STXBP4: variants seen among roughly 807,000 people sequenced by gnomAD.
The protein encoded by STXBP4 is syntaxin binding protein 4, also known as syntaxin-binding protein 4.
A neutral mutation model predicts 76.1 loss-of-function variants in STXBP4; 55 were observed. That is an observed-to-expected ratio of 0.72 (90% CI 0.58 to 0.91). The LOEUF (loss-of-function observed/expected upper bound fraction) is 0.91. STXBP4 is among the 40% of genes least tolerant of loss of function. The pLI is 0.00. For synonymous variants in STXBP4, 201 were observed against 220.2 expected (o/e 0.91, Z 0.77); for missense variants, 618 against 636.9 (o/e 0.97, Z 0.32).
At chr17:55,010,783 C>A (rs1418110266) in intron 8 of STXBP4, among the ~76,000 whole-genome samples, 3 of 152,116 alleles carry the variant, frequency 2.0e-5, no homozygotes, top group Non-Finnish European at 4.4e-5. Flanking sequence ...ATGAAATATT[C>A]TTTGTATTAG....
At chr17:54,980,903 G>A (rs147191665) in intron 1 of STXBP4, among the ~76,000 whole-genome samples, 3 of 151,384 alleles carry the variant, frequency 2.0e-5, no homozygotes, top group East Asian at 1.9e-4. Flanking sequence ...ACACAATTTC[G>A]TAAACTTTCT....
chr17:55,124,941 C>T (rs2079892272), intron 16 of STXBP4, among the ~76,000 whole-genome samples: 1 of 152,176 alleles, frequency 6.6e-6, no homozygotes, highest in Non-Finnish European at 1.5e-5. Flanking sequence ...TCTGAGGACA[C>T]TAACTTTGTG....
At chr17:55,211,897 G>A in the STXBP4 span, among the ~76,000 whole-genome samples, 6 of 128,428 alleles carry the variant, frequency 4.7e-5, no homozygotes, top group Non-Finnish European at 6.3e-5. Flanking sequence ...TGCAACCTCC[G>A]CCTCCTGGGT....
intron 3 of STXBP4, among the ~76,000 whole-genome samples, chr17:54,990,120 A>G (rs563256843): frequency 6.6e-6 from 1 of 152,322 alleles, no homozygotes; most frequent in African/African-American, 2.4e-5. Flanking sequence ...GATGTTTTGT[A>G]GGGAAAATTA....
chr17:55,107,618 T>A (rs1016881361), intron 16 of STXBP4, among the ~76,000 whole-genome samples: 1 of 152,220 alleles, frequency 6.6e-6, no homozygotes, highest in African/African-American at 2.4e-5. Flanking sequence ...ATATCCTTTT[T>A]GTTGGTGTTG....
intron 8 of STXBP4, among the ~76,000 whole-genome samples, chr17:55,009,912 TATC>T (rs1254745596): frequency 2.6e-5 from 4 of 152,042 alleles, no homozygotes; most frequent in African/African-American, 9.7e-5. Context: ...ATAATATCAG[TATC>T]ATCTCAGCTT....
chr17:54,986,360 C>CT, intron 3 of STXBP4, 94 bp downstream of exon 3: 1 of 886,046 alleles, frequency 1.1e-6, no homozygotes, highest in South Asian at 1.6e-5. Context: ...ATCTAGCTCT[C>CT]TAATGTGGTC....
chr17:55,151,655 C>A (rs1317445223), intron 17 of STXBP4, among the ~76,000 whole-genome samples: 1 of 152,160 alleles, frequency 6.6e-6, no homozygotes, highest in African/African-American at 2.4e-5. Flanking sequence ...GTGGTAAAAT[C>A]ACTTCTACGG....
intron 12 of STXBP4, among the ~76,000 whole-genome samples, chr17:55,060,604 A>C (rs1380882970): frequency 6.6e-6 from 1 of 152,174 alleles, no homozygotes; most frequent in Non-Finnish European, 1.5e-5. Context: ...TCATTGTTTT[A>C]TTCAATCAAG....
intron 17 of STXBP4, among the ~76,000 whole-genome samples, chr17:55,153,148 A>C (rs888117186): frequency 6.6e-6 from 1 of 152,204 alleles, no homozygotes; most frequent in Non-Finnish European, 1.5e-5. Flanking sequence ...TAAGAATATA[A>C]TTCTTTCTTG....
chr17:54,997,267 T>G (rs1435104831), intron 4 of STXBP4, among the ~76,000 whole-genome samples: 1 of 152,106 alleles, frequency 6.6e-6, no homozygotes, highest in Non-Finnish European at 1.5e-5. Flanking sequence ...AAAAACTAAC[T>G]GCTATGAATA....
intron 16 of STXBP4, among the ~76,000 whole-genome samples, chr17:55,092,673 A>G (rs1270274125): frequency 2.0e-5 from 3 of 152,226 alleles, no homozygotes; most frequent in Non-Finnish European, 4.4e-5. Flanking sequence ...TTTAAGAAGA[A>G]TGTGAGTAGT....
chr17:54,999,721 C>T lies in STXBP4; in HGVS notation c.377C>T (p.Ala126Val). Residue 126 changes from alanine to valine, a missense_variant, in exon 6 of 18, where the codon GCT (alanine) becomes GTT (valine). Coordinates refer to ENST00000376352, the MANE Select transcript of STXBP4 (RefSeq NM_178509.6). ...CTGTCATGTACATCACTTATAGAAG[C>T]TTCAGGAGAATATGGACCTCAAGCC... ...ENLSCTSLIE[A>V]SGEYGPQAST... 1 of 1,613,672 alleles carries T rather than the reference C, an allele frequency of 6.2e-7. No homozygotes were observed. Among genetic ancestry groups the T allele is most frequent in the Admixed American group, 1.7e-5 (1 of 60,002 alleles).
chr17:55,179,781 G>A, the STXBP4 span, among the ~76,000 whole-genome samples: 1 of 151,996 alleles, frequency 6.6e-6, no homozygotes, highest in African/African-American at 2.4e-5. Context: ...TAAGAATATA[G>A]TATAAACTAT....
At chr17:54,986,568 A>G (rs1404493618) in intron 3 of STXBP4, among the ~76,000 whole-genome samples, 2 of 152,168 alleles carry the variant, frequency 1.3e-5, no homozygotes, top group Non-Finnish European at 2.9e-5. Context: ...GTAGTATGCT[A>G]TGATTGTACC....
Position 54,986,405 on chromosome 17 carries a change from A to G in STXBP4, c.47+139A>G, listed in dbSNP as rs117865645. 2,272 of 607,124 alleles carry G rather than the reference A, an allele frequency of 3.7e-3. 28 individuals are homozygous for G. The highest frequency in any genetic ancestry group is 0.022 in the East Asian group (738 of 33,232). The allele number at this position is 607,124 out of a possible 1,614,324, so 37.6% of individuals were successfully genotyped here. A position where few individuals can be genotyped will look rare whatever the true frequency, so the allele number is the denominator to read the frequency against. ...AGCAATGAGTAGTGAGTAAAGTAAT[A>G]CGTTGAATTACCTTTCAATGTAAAT... is the stretch of plus-strand genomic sequence containing the variant. On this transcript the variant is annotated intron_variant, in intron 3 of 17. Coordinates refer to ENST00000376352, the MANE Select transcript of STXBP4 (RefSeq NM_178509.6).
At chr17:55,082,594 T>G (rs2079269815) in intron 16 of STXBP4, among the ~76,000 whole-genome samples, 1 of 152,116 alleles carries the variant, frequency 6.6e-6, no homozygotes, top group Admixed American at 6.6e-5. Flanking sequence ...TGATAGGATG[T>G]TTAGCATTCC....
intron 12 of STXBP4, among the ~76,000 whole-genome samples, chr17:55,070,859 C>A (rs1030705240): frequency 6.6e-6 from 1 of 152,120 alleles, no homozygotes; most frequent in Admixed American, 6.6e-5. Context: ...CTCTTTTCTT[C>A]ATCCATTTAT....
chr17:55,046,968 A>T, intron 11 of STXBP4, 121 bp from the exon 12 acceptor site: 1 of 564,086 alleles, frequency 1.8e-6, no homozygotes, highest in Admixed American at 3.5e-5. Context: ...GACTAGGAGC[A>T]ATATTTTCAG....
Sources: gnomAD v4.1 joint callset for allele counts (sites outside exome capture counted in the v4.1 genomes callset) on GRCh38, gnomAD v4.1.1 for gene constraint, MANE v1.5 for transcripts, NCBI Gene and HGNC (gene_info 2026-07-23, HGNC 2026-07-21) for gene names.